DCC: variants seen among roughly 807,000 people sequenced by gnomAD.
DCC encodes DCC netrin 1 receptor.
DCC carries 58 observed loss-of-function variants against 172.5 expected under a neutral mutation model. The observed-to-expected ratio is 0.34, with a 90% CI of 0.27 to 0.42. The LOEUF (loss-of-function observed/expected upper bound fraction) is 0.42. Ranked by LOEUF, DCC falls within the 10% of genes least tolerant of loss-of-function variation. The pLI is 1.00. For synonymous variants in DCC, 709 were observed against 644.5 expected (o/e 1.10, Z -1.52); for missense variants, 1,740 against 1,791.0 (o/e 0.97, Z 0.51).
intron 11 of DCC, among the ~76,000 whole-genome samples, chr18:53,213,670 AAAAAG>A (rs1682304541): frequency 6.6e-6 from 1 of 150,452 alleles, no homozygotes; most frequent in African/African-American, 2.4e-5. Flanking sequence ...AAAAAAAAAA[AAAAAG>A]AAGTGACTCA....
chr18:52,812,628 A>T (rs1240163706), intron 2 of DCC, among the ~76,000 whole-genome samples: 1 of 152,224 alleles, frequency 6.6e-6, no homozygotes, highest in Non-Finnish European at 1.5e-5. Flanking sequence ...CTCAGAATAG[A>T]TACTATTTAT....
intron 7 of DCC, among the ~76,000 whole-genome samples, chr18:53,088,655 G>C (rs2042956668): frequency 6.6e-6 from 1 of 152,118 alleles, no homozygotes; most frequent in Non-Finnish European, 1.5e-5. Context: ...CAACAGAATT[G>C]ATAGACCGCT....
At chr18:52,825,459 G>T (rs1355503395) in intron 2 of DCC, among the ~76,000 whole-genome samples, 1 of 152,124 alleles carries the variant, frequency 6.6e-6, no homozygotes, top group Non-Finnish European at 1.5e-5. Flanking sequence ...GAAATTGAGA[G>T]AAATAGCTTC....
intron 1 of DCC, among the ~76,000 whole-genome samples, chr18:52,364,409 T>C (rs563751907): frequency 6.6e-6 from 1 of 152,322 alleles, no homozygotes; most frequent in Non-Finnish European, 1.5e-5. Flanking sequence ...TGATAAACAT[T>C]GCATGTGTTT....
intron 11 of DCC, among the ~76,000 whole-genome samples, chr18:53,208,647 C>G (rs1184467738): frequency 1.3e-5 from 2 of 152,122 alleles, no homozygotes; most frequent in African/African-American, 2.4e-5. Context: ...AGAATAGACA[C>G]AAACACACAC....
rs4091765 is a variant in DCC, at chr18:52,410,793, A to G, written c.91+69915A>G. On this transcript the variant is annotated intron_variant, in intron 1 of 28. Coordinates refer to ENST00000442544, the MANE Select transcript of DCC (RefSeq NM_005215.4). Reference sequence around the variant, plus strand: ...AAACAAAACATTATTCAGTGGTAACATATGAAGCATATGGGTAAGATTAAA... The same window carrying G: ...AAACAAAACATTATTCAGTGGTAACGTATGAAGCATATGGGTAAGATTAAA... Among the ~76,000 whole-genome samples, 527 of 152,252 alleles carry G rather than the reference A, an allele frequency of 3.5e-3. 6 individuals carry two copies. The highest frequency in any genetic ancestry group is 0.012 in the African/African-American group (500 of 41,558).
intron 7 of DCC, among the ~76,000 whole-genome samples, chr18:53,107,952 A>G (rs1023460336): frequency 6.6e-6 from 1 of 150,530 alleles, no homozygotes; most frequent in African/African-American, 2.4e-5. Flanking sequence ...GTTCTCTTTC[A>G]CTTCTTTTTT....
chr18:52,670,698 G>T (rs1225108179), intron 1 of DCC, among the ~76,000 whole-genome samples: 3 of 152,138 alleles, frequency 2.0e-5, no homozygotes, highest in African/African-American at 7.2e-5. Flanking sequence ...AAATTAGCCA[G>T]GCATGGTGAA....
At chr18:52,646,669 G>C (rs115371879) in intron 1 of DCC, among the ~76,000 whole-genome samples, 1 of 152,172 alleles carries the variant, frequency 6.6e-6, no homozygotes, top group Non-Finnish European at 1.5e-5. Context: ...AGATAAAGAT[G>C]AATATTCAGA....
At chr18:53,273,936 G>A (rs2056776641) in intron 12 of DCC, among the ~76,000 whole-genome samples, 2 of 152,016 alleles carry the variant, frequency 1.3e-5, no homozygotes, top group Non-Finnish European at 2.9e-5. Context: ...ATATTGTGTA[G>A]GGAGAGAAAT....
chr18:52,820,332 G>GT (rs2038383373), intron 2 of DCC, among the ~76,000 whole-genome samples: 3 of 152,150 alleles, frequency 2.0e-5, no homozygotes, highest in African/African-American at 7.2e-5. Flanking sequence ...TTTGCCTAAT[G>GT]TGTATGTACA....
intron 1 of DCC, among the ~76,000 whole-genome samples, chr18:52,642,641 A>T (rs2034932442): frequency 1.3e-5 from 2 of 152,036 alleles, no homozygotes; most frequent in South Asian, 4.1e-4. Flanking sequence ...AATGAAAAAA[A>T]AATCTTCAAT....
At chr18:53,131,951 T>A (rs1238273904) in intron 7 of DCC, among the ~76,000 whole-genome samples, 2 of 113,326 alleles carry the variant, frequency 1.8e-5, no homozygotes, top group Non-Finnish European at 3.5e-5. Flanking sequence ...TGTCTCTAAG[T>A]GATTTTTTTT....
intron 25 of DCC, among the ~76,000 whole-genome samples, chr18:53,484,014 T>A (rs1056048173): frequency 6.8e-6 from 1 of 146,308 alleles, no homozygotes; most frequent in Non-Finnish European, 1.5e-5. Context: ...TAGATAGATA[T>A]AGTGTGTGTG....
At chr18:52,823,526 C>T (rs1568126969) in intron 2 of DCC, among the ~76,000 whole-genome samples, 1 of 151,990 alleles carries the variant, frequency 6.6e-6, no homozygotes, top group South Asian at 2.1e-4. Context: ...TTGGGGAATA[C>T]TTGGAATGTC....
intron 1 of DCC, among the ~76,000 whole-genome samples, chr18:52,660,132 C>T (rs2035330076): frequency 6.6e-6 from 1 of 152,012 alleles, no homozygotes; most frequent in Non-Finnish European, 1.5e-5. Flanking sequence ...TCATGCCACC[C>T]CTTTATTTGG....
chr18:52,941,486 T>TTGTGTGTGTG (rs74178695), intron 5 of DCC, among the ~76,000 whole-genome samples: 1 of 149,546 alleles, frequency 6.7e-6, no homozygotes, highest in Admixed American at 6.7e-5. Context: ...ATATACATGT[T>TTGTGTGTGTG]TGTGTGTGTG....
intron 1 of DCC, among the ~76,000 whole-genome samples, chr18:52,430,406 TG>T (rs34806038): frequency 0.019 from 2,863 of 151,876 alleles, 84 homozygotes; most frequent in African/African-American, 0.065. Context: ...AAAAATGCAT[TG>T]GTTAATTGGA....
At chr18:53,446,115 C>G (rs12960710) in intron 22 of DCC, among the ~76,000 whole-genome samples, 1 of 109,918 alleles carries the variant, frequency 9.1e-6, no homozygotes, top group Non-Finnish European at 1.7e-5. Flanking sequence ...AAAAAAAAAA[C>G]AAAAAAAAAC....
Sources: gnomAD v4.1 joint callset for allele counts (sites outside exome capture counted in the v4.1 genomes callset) on GRCh38, gnomAD v4.1.1 for gene constraint, MANE v1.5 for transcripts, NCBI Gene and HGNC (gene_info 2026-07-23, HGNC 2026-07-21) for gene names.